The following AP4S1 variants were observed in gnomAD, a reference collection of about 807,000 sequenced individuals.
The protein encoded by AP4S1 is adaptor related protein complex 4 subunit sigma 1, also known as AP-4 complex subunit sigma-1.
AP4S1 carries 23 observed loss-of-function variants against 19.8 expected under a neutral mutation model. That is an observed-to-expected ratio of 1.16 (90% CI 0.84 to 1.65). AP4S1 has a LOEUF of 1.65. Ranked by LOEUF, AP4S1 falls within the 40% of genes most tolerant of loss-of-function variation. The probability of loss-of-function intolerance (pLI) is 0.00; values close to 1 mark genes in which losing one functional copy is unlikely to be tolerated. For missense variants in AP4S1, 166 were observed against 172.8 expected (o/e 0.96, Z 0.22); for synonymous variants, 46 against 54.1 (o/e 0.85, Z 0.66).
chr14:31,038,992 GTTT>G (rs11362456), intron 1 of AP4S1, among the ~76,000 whole-genome samples: 2 of 142,546 alleles, frequency 1.4e-5, no homozygotes, highest in Non-Finnish European at 1.5e-5. Context: ...AAATGTAGAG[GTTT>G]TTTTTTTTTT....
intron 4 of AP4S1, among the ~76,000 whole-genome samples, chr14:31,076,289 A>G (rs976022035): frequency 1.2e-4 from 19 of 152,134 alleles, no homozygotes; most frequent in African/African-American, 3.1e-4. Flanking sequence ...GAGGGTTTCA[A>G]TTTCTCCACA....
chr14:31,067,183 G>A (rs1463269283), intron 2 of AP4S1, among the ~76,000 whole-genome samples: 2 of 147,256 alleles, frequency 1.4e-5, no homozygotes, highest in Admixed American at 1.4e-4. Context: ...TCTCCAGCCT[G>A]AGCGACAAGA....
intron 1 of AP4S1, chr14:31,026,371 C>T (rs1417628580): frequency 4.1e-6 from 2 of 489,704 alleles, no homozygotes; most frequent in Non-Finnish European, 6.8e-6. Context: ...TACAATCCCT[C>T]CTCCATCTGC....
At chr14:31,067,931 C>G (rs150101242) in intron 2 of AP4S1, among the ~76,000 whole-genome samples, 105 of 151,994 alleles carry the variant, frequency 6.9e-4, no homozygotes, top group African/African-American at 2.4e-3. Context: ...TGCAACGGCA[C>G]GATCTTGGCT....
chr14:31,088,513 A>T (rs898811401), intron 5 of AP4S1, among the ~76,000 whole-genome samples: 54 of 152,038 alleles, frequency 3.6e-4, no homozygotes, highest in African/African-American at 1.2e-3. Flanking sequence ...AACCTACTTT[A>T]AAAAAAGATA....
chr14:31,054,479 T>G (rs1594661235), intron 1 of AP4S1, among the ~76,000 whole-genome samples: 1 of 151,944 alleles, frequency 6.6e-6, no homozygotes, highest in Non-Finnish European at 1.5e-5. Context: ...ATCAGGAGTT[T>G]GGGGCCAGCC....
intron 1 of AP4S1, among the ~76,000 whole-genome samples, chr14:31,043,136 G>A (rs561455401): frequency 1.9e-4 from 29 of 151,782 alleles, no homozygotes; most frequent in African/African-American, 5.1e-4. Flanking sequence ...CGGGAGAATC[G>A]CTTGAACTCG....
chr14:31,095,018 A>C lies in AP4S1; in HGVS notation c.*1983A>C, dbSNP rs1888166087. ...GCGACAGAGTGAGACCCTGTCTCTA[A>C]AAATAAGTAAATAACTAATTAAAAA... On this transcript the variant is annotated 3_prime_UTR_variant, in exon 6 of 6. Coordinates refer to ENST00000542754, the MANE Select transcript of AP4S1 (RefSeq NM_001128126.3). The C allele has an allele frequency of 6.6e-6, 1 of 152,244 alleles. No individual in the cohort carries two copies. Among genetic ancestry groups the C allele is most frequent in the African/African-American group, 2.4e-5 (1 of 41,444 alleles). 9.4% of individuals were successfully genotyped at this position (152,244 alleles called of 1,614,324 possible). A position where few individuals can be genotyped will look rare whatever the true frequency, so the allele number is the denominator to read the frequency against.
At chr14:31,027,109 G>C (rs999977836) in intron 1 of AP4S1, 1 of 151,996 alleles carries the variant, frequency 6.6e-6, no homozygotes, top group Admixed American at 6.6e-5. Context: ...AATGGGTTGT[G>C]GGGGGGTTGG....
chr14:31,090,600 G>A (rs1473691743), intron 5 of AP4S1, among the ~76,000 whole-genome samples: 1 of 152,212 alleles, frequency 6.6e-6, no homozygotes, highest in African/African-American at 2.4e-5. Flanking sequence ...TATACCAACA[G>A]TCTGGGCCCT....
intron 5 of AP4S1, among the ~76,000 whole-genome samples, chr14:31,087,715 T>C (rs892338481): frequency 6.6e-6 from 1 of 152,146 alleles, no homozygotes; most frequent in Non-Finnish European, 1.5e-5. Context: ...ATTTAGTCTC[T>C]AATAAAACAT....
chr14:31,054,305 C>G (rs1308774526), intron 1 of AP4S1, among the ~76,000 whole-genome samples: 1 of 152,206 alleles, frequency 6.6e-6, no homozygotes, highest in East Asian at 1.9e-4. Flanking sequence ...TGAGGCCATA[C>G]TTACATAAAT....
intron 1 of AP4S1, among the ~76,000 whole-genome samples, chr14:31,055,291 C>T (rs1015555636): frequency 3.3e-5 from 5 of 152,048 alleles, no homozygotes; most frequent in African/African-American, 1.2e-4. Context: ...GGATTATCAG[C>T]TCTTTGTAGT....
chr14:31,074,923 T>C (rs139413572), intron 4 of AP4S1, among the ~76,000 whole-genome samples: 1 of 152,296 alleles, frequency 6.6e-6, no homozygotes, highest in East Asian at 1.9e-4. Context: ...GATGTAGATA[T>C]TTTCAGAATA....
intron 1 of AP4S1, among the ~76,000 whole-genome samples, chr14:31,039,572 G>GT (rs1398903989): frequency 0.18 from 20,779 of 115,230 alleles, 1,909 homozygotes; most frequent in South Asian, 0.28. Flanking sequence ...GTGTAGTTTT[G>GT]TTTTTTTTTT....
At position 31,053,262 on chromosome 14, in the gene AP4S1, C is replaced by A. The variant is rs146397100; in HGVS notation, c.-71-12864C>A. On this transcript the variant is annotated intron_variant, in intron 1 of 5. Coordinates refer to ENST00000542754, the MANE Select transcript of AP4S1 (RefSeq NM_001128126.3). The stretch of plus-strand genomic sequence containing the variant: ...GGCCTTGTGCTAAATGTTTTTACAA[C>A]AATTATGTCATTTGCCTCATTTAAT... Among the ~76,000 whole-genome samples the A allele has an allele frequency of 3.9e-3, 600 of 152,208 alleles. 3 individuals carry two copies. The highest frequency in any genetic ancestry group is 5.8e-3 in the Non-Finnish European group (392 of 68,018).
intron 1 of AP4S1, among the ~76,000 whole-genome samples, chr14:31,061,094 A>G (rs982021240): frequency 2.0e-5 from 3 of 152,028 alleles, no homozygotes; most frequent in East Asian, 1.9e-4. Flanking sequence ...TTTCACCATG[A>G]GGTCTGGAAC....
At chr14:31,037,472 C>T (rs1177330610) in intron 1 of AP4S1, among the ~76,000 whole-genome samples, 1 of 152,080 alleles carries the variant, frequency 6.6e-6, no homozygotes, top group Admixed American at 6.6e-5. Flanking sequence ...TTTTAAATTG[C>T]CTGCTCTTTC....
chr14:31,050,340 G>A (rs1186642098), intron 1 of AP4S1, among the ~76,000 whole-genome samples: 1 of 151,988 alleles, frequency 6.6e-6, no homozygotes, highest in Non-Finnish European at 1.5e-5. Context: ...GATTATAGGC[G>A]TGAGCCACCG....
Sources: allele counts gnomAD v4.1 joint callset (sites outside exome capture counted in the v4.1 genomes callset), GRCh38; gene constraint gnomAD v4.1.1; transcripts MANE v1.5; gene names NCBI Gene and HGNC (gene_info 2026-07-23, HGNC 2026-07-21).